The following DPP9 variants were observed in gnomAD, a reference collection of about 807,000 sequenced individuals.
DPP9 encodes dipeptidyl peptidase IV-related protein-2.
DPP9 carries 50 observed loss-of-function variants against 110.7 expected under a neutral mutation model. That is an observed-to-expected ratio of 0.45 (90% CI 0.36 to 0.57). The LOEUF (loss-of-function observed/expected upper bound fraction) is 0.57. DPP9 is among the 20% of genes least tolerant of loss of function. The pLI, the probability that DPP9 is intolerant of heterozygous loss-of-function variation, is 0.00. For synonymous variants in DPP9, 561 were observed against 514.4 expected (o/e 1.09, Z -1.23); for missense variants, 1,022 against 1,217.9 (o/e 0.84, Z 2.39).
At chr19:4,702,216 A>T in intron 8 of DPP9, 61 bp from the exon 9 acceptor site, 7 of 1,540,988 alleles carry the variant, frequency 4.5e-6, no homozygotes, top group Non-Finnish European at 6.1e-6. Context: ...TGCCATCAGC[A>T]CCCCCCGCCC....
rs573391066 is a variant in DPP9, at chr19:4,685,219, G to C, written c.2031+407C>G. 1.9e-6 allele frequency: 1 copy of C among 519,772 alleles called. No homozygotes were observed. Among genetic ancestry groups the C allele is most frequent in the South Asian group, 1.5e-5 (1 of 65,158 alleles). The allele number at this position is 519,772 out of a possible 1,614,324, so 32.2% of individuals were successfully genotyped here. ...CCAGACATCGCCCCGTATCCTCTGT[G>C]GGGACAGAGCTGCTCTGGGTAAGAT... On this transcript the variant is annotated intron_variant, in intron 17 of 21. Coordinates refer to ENST00000262960, the MANE Select transcript of DPP9 (RefSeq NM_139159.5). The surrounding 1 kb of genome is among the most constrained non-coding windows in gnomAD (Gnocchi z 5.8).
chr19:4,676,691 G>T lies in DPP9; in HGVS notation c.2587-35C>A. The T allele has an allele frequency of 6.5e-7, 1 of 1,541,332 alleles. No homozygotes were observed. Among genetic ancestry groups the T allele is most frequent in the Non-Finnish European group, 8.8e-7 (1 of 1,132,056 alleles). ...GACAGGAGGCAGGGCTGGGGGGCGT[G>T]GCCGGACCACCCCCGTGTCCTAGGC... On this transcript the variant is annotated intron_variant, in intron 21 of 21. Transcript: ENST00000262960. This position sits in a 1 kb window ranked among gnomAD's most constrained non-coding sequence, Gnocchi z 4.0.
In DPP9 at chr19:4,689,381, T is replaced by C. The variant is rs935091193; in HGVS notation, c.1749+189A>G. Among the ~76,000 whole-genome samples, 2 of 152,114 alleles carry C rather than the reference T, an allele frequency of 1.3e-5. No homozygotes were observed. The highest frequency in any genetic ancestry group is 4.8e-5 in the African/African-American group (2 of 41,430). ...CCACCACTTACTACCCTGGGATTGG[T>C]GGTGGGCAATTCACTCCCTTCCCTG... On this transcript the variant is annotated intron_variant, in intron 15 of 21. Coordinates refer to ENST00000262960, the MANE Select transcript of DPP9 (RefSeq NM_139159.5). This position sits in a 1 kb window ranked among gnomAD's most constrained non-coding sequence, Gnocchi z 7.0.
At position 4,700,979 on chromosome 19, in the gene DPP9, G is replaced by A. The variant is rs1391186046; in HGVS notation, c.1013-702C>T. Among the ~76,000 whole-genome samples, 1 of 152,200 alleles carries A rather than the reference G, an allele frequency of 6.6e-6. No homozygotes were observed. Among genetic ancestry groups the A allele is most frequent in the Non-Finnish European group, 1.5e-5 (1 of 68,030 alleles). On this transcript the variant is annotated intron_variant, in intron 9 of 21. Coordinates refer to ENST00000262960, the MANE Select transcript of DPP9 (RefSeq NM_139159.5). This position sits in a 1 kb window ranked among gnomAD's most constrained non-coding sequence, Gnocchi z 4.3. ...AAAAGACTGACTTAGCTCATTTGCA[G>A]TGGGAGTTGGAAAGACCGTACAGGA...
In DPP9 at chr19:4,718,559, T is replaced by A. The variant is rs2093178418; in HGVS notation, c.56+1292A>T. On this transcript the variant is annotated intron_variant, in intron 3 of 21. Transcript: ENST00000262960. The surrounding 1 kb of genome is among the most constrained non-coding windows in gnomAD (Gnocchi z 4.3). ...CTGCCGGGGAAACAGCATGCCACCCTCTGTCCTACCCAAACTGCCCCCAGC... is the reference window on the plus strand; with the variant it reads ...CTGCCGGGGAAACAGCATGCCACCCACTGTCCTACCCAAACTGCCCCCAGC... 6.6e-6 allele frequency among the ~76,000 whole-genome samples: 1 copy of A among 152,232 alleles called. No homozygotes were observed.
Position 4,690,872 on chromosome 19 carries a change from T to G in DPP9, c.1596+6A>C. ...GCAGGGGAAGGCTGCAAGGAGACCC[T>G]GGTACCTTGGAGCCGTGCCTCGCCA... On this transcript the variant is annotated splice_donor_region_variant and intron_variant, in intron 14 of 21. Transcript: ENST00000262960. The G allele has an allele frequency of 6.2e-7, 1 of 1,610,986 alleles. No individual in the cohort carries two copies. The highest frequency in any genetic ancestry group is 8.5e-7 in the Non-Finnish European group (1 of 1,178,200).
intron 3 of DPP9, among the ~76,000 whole-genome samples, chr19:4,716,366 A>G (rs1446600467): frequency 1.3e-5 from 2 of 152,220 alleles, no homozygotes; most frequent in Non-Finnish European, 2.9e-5. Flanking sequence ...GGCCGGGCAC[A>G]GTGGCTCATG....
chr19:4,716,007 C>G (rs905733408), intron 3 of DPP9: 1 of 152,210 alleles, frequency 6.6e-6, no homozygotes, highest in South Asian at 2.1e-4. Context: ...AGGGTGGCAC[C>G]GGGGCTGGTC....
intron 4 of DPP9, among the ~76,000 whole-genome samples, chr19:4,709,363 C>T (rs1286703571): frequency 6.6e-6 from 1 of 152,084 alleles, no homozygotes; most frequent in African/African-American, 2.4e-5. Context: ...ATTAGATTAA[C>T]AGGGTTCCTT....
At position 4,676,127 on chromosome 19, in the gene DPP9, T is replaced by G; in HGVS notation, c.*437A>C. On this transcript the variant is annotated 3_prime_UTR_variant, in exon 22 of 22. Transcript: ENST00000262960. The surrounding 1 kb of genome is among the most constrained non-coding windows in gnomAD (Gnocchi z 4.0). ...CCCCAAACAAAACACAAACATCAAG[T>G]TGGGGAGGCTGGCCGGGGGGGACAG... 5.7e-6 allele frequency: 1 copy of G among 174,014 alleles called. No individual in the cohort carries two copies. The highest frequency in any genetic ancestry group is 1.2e-5 in the Non-Finnish European group (1 of 81,980). 10.8% of individuals were successfully genotyped at this position (174,014 alleles called of 1,614,324 possible).
chr19:4,699,764 G>A (rs371082585), intron 10 of DPP9, among the ~76,000 whole-genome samples: 15 of 152,128 alleles, frequency 9.9e-5, no homozygotes, highest in Non-Finnish European at 5.9e-5. Flanking sequence ...TCCGGTGAAC[G>A]GACCTGAGGA....
At chr19:4,708,192 C>T (rs928059311) in intron 4 of DPP9, among the ~76,000 whole-genome samples, 6 of 152,150 alleles carry the variant, frequency 3.9e-5, no homozygotes, top group African/African-American at 1.4e-4. Flanking sequence ...AAAGCCAGCC[C>T]AGGCCCTGAG....
intron 8 of DPP9, 35 bp downstream of exon 8, chr19:4,702,568 G>T (rs200686354): frequency 2.0e-6 from 3 of 1,503,648 alleles, no homozygotes; most frequent in East Asian, 2.4e-5. Flanking sequence ...GGAAAAGCAC[G>T]CCCGGGAGCA....
Position 4,676,729 on chromosome 19 carries a change from C to A in DPP9, c.2587-73G>T. The A allele has an allele frequency of 7.6e-7, 1 of 1,318,996 alleles. No individual in the cohort carries two copies. The highest frequency in any genetic ancestry group is 1.3e-5 in the South Asian group (1 of 79,532). The allele number at this position is 1,318,996 out of a possible 1,614,324, so 81.7% of individuals were successfully genotyped here. On this transcript the variant is annotated intron_variant, in intron 21 of 21. Coordinates refer to ENST00000262960, the MANE Select transcript of DPP9 (RefSeq NM_139159.5). The surrounding 1 kb of genome is among the most constrained non-coding windows in gnomAD (Gnocchi z 4.0). ...CCGTGTCCTAGGCTCCTCCCTTATT[C>A]TGGCTCAGGGCATCCGGGAAGGCGC...
intron 20 of DPP9, among the ~76,000 whole-genome samples, chr19:4,680,228 A>G (rs1338781735): frequency 7.3e-6 from 1 of 137,226 alleles, no homozygotes; most frequent in Non-Finnish European, 1.6e-5. Flanking sequence ...AGATGGAGAC[A>G]GCATCTCAAA....
chr19:4,690,213 A>G (rs1027985042), intron 14 of DPP9, among the ~76,000 whole-genome samples: 12 of 152,226 alleles, frequency 7.9e-5, no homozygotes, highest in African/African-American at 2.9e-4. Context: ...GGCAGCCTGC[A>G]CTGCGTGGAG....
At chr19:4,714,845 C>T (rs1403304834) in intron 3 of DPP9, among the ~76,000 whole-genome samples, 1 of 152,048 alleles carries the variant, frequency 6.6e-6, no homozygotes, top group Non-Finnish European at 1.5e-5. Flanking sequence ...CTGCCAAGCC[C>T]TTGAATCTCA....
At chr19:4,722,880 G>A (rs1599971402) in intron 1 of DPP9, 1 of 294,382 alleles carries the variant, frequency 3.4e-6, no homozygotes, top group East Asian at 7.8e-5. Flanking sequence ...TGGGGCCCCT[G>A]GGGAAGACCA....
chr19:4,685,401 A>G lies in DPP9; in HGVS notation c.2031+225T>C, dbSNP rs2090542848. ...AGTCAGCAGGCGGAGGGGGAAGGGG[A>G]GGCCATCCAGGAAGGGCGGGGAGCG... is the stretch of plus-strand genomic sequence containing the variant. On this transcript the variant is annotated intron_variant, in intron 17 of 21. Coordinates refer to ENST00000262960, the MANE Select transcript of DPP9 (RefSeq NM_139159.5). The surrounding 1 kb of genome is among the most constrained non-coding windows in gnomAD (Gnocchi z 5.8). 2 of 669,448 alleles carry G rather than the reference A, an allele frequency of 3.0e-6. No individual in the cohort carries two copies. The highest frequency in any genetic ancestry group is 5.5e-6 in the Non-Finnish European group (2 of 365,086). The allele number at this position is 669,448 out of a possible 1,614,324, so 41.5% of individuals were successfully genotyped here.
Sources: allele counts gnomAD v4.1 joint callset (sites outside exome capture counted in the v4.1 genomes callset), GRCh38; gene constraint gnomAD v4.1.1; non-coding constraint Gnocchi (gnomAD v3.1); transcripts MANE v1.5; gene names NCBI Gene and HGNC (gene_info 2026-07-23, HGNC 2026-07-21).